Variants in POMP observed in about 807,000 individuals in gnomAD.
The protein encoded by POMP is proteasome maturation protein.
A neutral mutation model predicts 20.6 loss-of-function variants in POMP; 12 were observed. The ratio of observed to expected loss-of-function variants is 0.58; its 90% CI spans 0.37 to 0.94. The LOEUF (loss-of-function observed/expected upper bound fraction) is 0.94. Ranked by LOEUF, POMP falls within the 40% of genes least tolerant of loss-of-function variation. The probability of loss-of-function intolerance (pLI) is 0.01; values close to 1 mark genes in which losing one functional copy is unlikely to be tolerated. For missense variants in POMP, 136 were observed against 161.1 expected (o/e 0.84, Z 0.84); for synonymous variants, 53 against 55.0 (o/e 0.96, Z 0.16).
intron 4 of POMP, among the ~76,000 whole-genome samples, chr13:28,671,473 A>G (rs1306846444): frequency 1.5e-5 from 2 of 134,380 alleles, no homozygotes; most frequent in Admixed American, 7.4e-5. Context: ...TCTTATCTCT[A>G]TACTTTTGCA....
chr13:28,664,587 T>A lies in POMP; in HGVS notation c.162+18T>A. On this transcript the variant is annotated intron_variant, in intron 3 of 5. Transcript: ENST00000380842. ...AAAAAAATGTAAGTATATTATTATG[T>A]CCTTATTTTTATCTTCTAATAGATA... The A allele has an allele frequency of 7.3e-7, 1 of 1,377,396 alleles. No individual in the cohort carries two copies. The highest frequency in any genetic ancestry group is 1.4e-5 in the African/African-American group (1 of 69,174). The allele number at this position is 1,377,396 out of a possible 1,614,324, so 85.3% of individuals were successfully genotyped here. A position where few individuals can be genotyped will look rare whatever the true frequency, so the allele number is the denominator to read the frequency against.
intron 3 of POMP, 139 bp downstream of exon 3, chr13:28,664,708 G>A: frequency 1.7e-6 from 1 of 599,694 alleles, no homozygotes; most frequent in Non-Finnish European, 3.0e-6. Flanking sequence ...CAAACCCCTT[G>A]TAGGATAGAC....
intron 3 of POMP, among the ~76,000 whole-genome samples, chr13:28,667,670 G>A (rs1033089361): frequency 6.6e-6 from 1 of 152,146 alleles, no homozygotes; most frequent in African/African-American, 2.4e-5. Flanking sequence ...ATGTTATCAA[G>A]AGAGTAGCGT....
intron 4 of POMP, 79 bp from the exon 5 acceptor site, chr13:28,672,260 A>T (rs1884561012): frequency 8.7e-7 from 1 of 1,149,628 alleles, no homozygotes; most frequent in Non-Finnish European, 1.3e-6. Context: ...AAGAATAAAG[A>T]ACATGAAATT....
intron 5 of POMP, among the ~76,000 whole-genome samples, chr13:28,676,549 G>A (rs1017759496): frequency 4.6e-5 from 7 of 152,064 alleles, no homozygotes; most frequent in Non-Finnish European, 8.8e-5. Context: ...CATAGTTAAG[G>A]GTCATGTTGA....
At chr13:28,667,732 C>G (rs1192612823) in intron 3 of POMP, among the ~76,000 whole-genome samples, 1 of 152,190 alleles carries the variant, frequency 6.6e-6, no homozygotes, top group African/African-American at 2.4e-5. Context: ...CACCTTAGCT[C>G]AGACAAATCT....
chr13:28,664,860 T>A (rs1165480407), intron 3 of POMP, among the ~76,000 whole-genome samples: 1 of 152,208 alleles, frequency 6.6e-6, no homozygotes, highest in Admixed American at 6.5e-5. Flanking sequence ...CTTTTATATT[T>A]TTCCTGCCAT....
intron 4 of POMP, 96 bp downstream of exon 4, chr13:28,668,670 C>T: frequency 1.1e-6 from 1 of 945,882 alleles, no homozygotes; most frequent in Non-Finnish European, 1.7e-6. Context: ...TACCTTACAA[C>T]CTATTCTACT....
intron 3 of POMP, among the ~76,000 whole-genome samples, chr13:28,665,810 T>C (rs964169745): frequency 6.6e-6 from 1 of 152,180 alleles, no homozygotes; most frequent in South Asian, 2.1e-4. Context: ...AGGGATAAGA[T>C]TGAGGATTAC....
Position 28,678,399 on chromosome 13 carries a change from C to A in POMP, c.*297C>A. 1 of 325,714 alleles carries A rather than the reference C, an allele frequency of 3.1e-6. No individual in the cohort carries two copies. Among genetic ancestry groups the A allele is most frequent in the South Asian group, 3.8e-5 (1 of 26,646 alleles). 20.2% of individuals were successfully genotyped at this position (325,714 alleles called of 1,614,324 possible). A position where few individuals can be genotyped will look rare whatever the true frequency, so the allele number is the denominator to read the frequency against. On this transcript the variant is annotated 3_prime_UTR_variant, in exon 6 of 6. Transcript: ENST00000380842. ...CTACAGGTTTCAATTCAACCTGTTT[C>A]TAGGTTTTTTTGTAAATTTAGTTTT... is the stretch of plus-strand genomic sequence containing the variant.
chr13:28,664,360 CTA>C, intron 2 of POMP, 147 bp from the exon 3 acceptor site: 1 of 562,578 alleles, frequency 1.8e-6, no homozygotes, highest in Admixed American at 3.2e-5. Flanking sequence ...GTATCAATTC[CTA>C]TGACTGTCAC....
chr13:28,672,496 A>G, intron 5 of POMP, 64 bp downstream of exon 5: 1 of 1,241,148 alleles, frequency 8.1e-7, no homozygotes, highest in South Asian at 1.2e-5. Flanking sequence ...AGCTGCAAAA[A>G]GAATAGGCAA....
rs1384903026 is a variant in POMP, at chr13:28,678,724, T to G, written c.*622T>G. The stretch of plus-strand genomic sequence containing the variant: ...AGGTTAAACTTTTACTTCATAGACT[T>G]AATATGTAATTAATATATTGCCAAG... On this transcript the variant is annotated 3_prime_UTR_variant, in exon 6 of 6. Transcript: ENST00000380842. The G allele has an allele frequency of 6.6e-6, 1 of 152,518 alleles. No individual in the cohort carries two copies. Among genetic ancestry groups the G allele is most frequent in the Non-Finnish European group, 1.5e-5 (1 of 68,266 alleles). 9.4% of individuals were successfully genotyped at this position (152,518 alleles called of 1,614,324 possible).
rs1728117990 is a variant in POMP, at chr13:28,662,481, T to C, written c.75T>C (p.Phe25=). 1 of 1,613,166 alleles carries C rather than the reference T, an allele frequency of 6.2e-7. No individual in the cohort carries two copies. Reference sequence around the variant, plus strand: ...CTGAACTTTCAGCAAGTGGACCTTTTGAAAGTCATGATCTTCTTCGGAAAG... The same window carrying C: ...CTGAACTTTCAGCAAGTGGACCTTTCGAAAGTCATGATCTTCTTCGGAAAG... ...PVTELSASGP[F]ESHDLLRKGF... The change falls in exon 2 of 6, where the codon TTT becomes TTC. Residue 25 remains phenylalanine, a synonymous_variant. Transcript: ENST00000380842.
At chr13:28,677,637 T>G (rs1383063015) in intron 5 of POMP, among the ~76,000 whole-genome samples, 1 of 152,242 alleles carries the variant, frequency 6.6e-6, no homozygotes, top group African/African-American at 2.4e-5. Context: ...TTTTTGTGAA[T>G]TAAGAGATTG....
At chr13:28,677,938 T>A in intron 5 of POMP, 97 bp from the exon 6 acceptor site, 1 of 1,263,266 alleles carries the variant, frequency 7.9e-7, no homozygotes, top group Non-Finnish European at 1.1e-6. Flanking sequence ...TAACTTTAGG[T>A]TAGTTTTGAC....
At chr13:28,676,068 G>A (rs1437365755) in intron 5 of POMP, among the ~76,000 whole-genome samples, 3 of 151,818 alleles carry the variant, frequency 2.0e-5, no homozygotes, top group South Asian at 2.1e-4. Context: ...GCAGTGGCGC[G>A]ATCTCTGCTC....
intron 1 of POMP, among the ~76,000 whole-genome samples, chr13:28,659,595 T>A (rs1188472784): frequency 6.6e-6 from 1 of 151,870 alleles, no homozygotes; most frequent in East Asian, 1.9e-4. Flanking sequence ...AGACTCCTCA[T>A]CTCCCCCAGC....
chr13:28,673,886 A>G (rs1884589652), intron 5 of POMP, among the ~76,000 whole-genome samples: 1 of 152,210 alleles, frequency 6.6e-6, no homozygotes, highest in Non-Finnish European at 1.5e-5. Flanking sequence ...GAACAAAACA[A>G]ATATCTGTGC....
Sources: gnomAD v4.1 joint callset for allele counts (sites outside exome capture counted in the v4.1 genomes callset) on GRCh38, gnomAD v4.1.1 for gene constraint, MANE v1.5 for transcripts, NCBI Gene and HGNC (gene_info 2026-07-23, HGNC 2026-07-21) for gene names.